CUX2: variants seen among roughly 807,000 people sequenced by gnomAD.
CUX2 encodes homeobox protein cut-like 2.
Under a neutral mutation model 144.8 loss-of-function variants are expected in CUX2, and 40 were observed. The observed-to-expected ratio is 0.28, with a 90% CI of 0.21 to 0.36. CUX2 has a LOEUF of 0.36. Ranked by LOEUF, CUX2 falls within the 10% of genes least tolerant of loss-of-function variation. CUX2 has a pLI of 1.00. For synonymous variants in CUX2, 827 were observed against 875.6 expected (o/e 0.94, Z 0.98); for missense variants, 1,615 against 1,994.0 (o/e 0.81, Z 3.62).
chr12:111,073,710 A>T (rs1433676357), intron 1 of CUX2, among the ~76,000 whole-genome samples: 1 of 152,034 alleles, frequency 6.6e-6, no homozygotes, highest in Non-Finnish European at 1.5e-5. Context: ...CTATAATCCC[A>T]ATGCTTTGGG....
At chr12:111,045,693 C>T (rs920136269) in intron 1 of CUX2, among the ~76,000 whole-genome samples, 1 of 152,190 alleles carries the variant, frequency 6.6e-6, no homozygotes, top group African/African-American at 2.4e-5. Flanking sequence ...GCGCTGGGCT[C>T]GGAGCAGTCA....
At chr12:111,038,129 C>T (rs1869549585) in intron 1 of CUX2, among the ~76,000 whole-genome samples, 1 of 152,138 alleles carries the variant, frequency 6.6e-6, no homozygotes, top group Non-Finnish European at 1.5e-5. Context: ...GAATATTTTC[C>T]CCTGCTCAAA....
chr12:111,316,142 CTT>C (rs201009821), intron 16 of CUX2, among the ~76,000 whole-genome samples: 34 of 132,018 alleles, frequency 2.6e-4, no homozygotes, highest in Admixed American at 3.1e-4. Flanking sequence ...TAAAATTAAG[CTT>C]TTTTTTTTTT....
chr12:111,337,756 C>T (rs1272223125), intron 19 of CUX2, among the ~76,000 whole-genome samples: 2 of 152,178 alleles, frequency 1.3e-5, no homozygotes, highest in African/African-American at 2.4e-5. Context: ...CACTTTTGGG[C>T]CAGGCCCAGT....
At chr12:111,047,821 G>A (rs1469432405) in intron 1 of CUX2, among the ~76,000 whole-genome samples, 1 of 152,236 alleles carries the variant, frequency 6.6e-6, no homozygotes, top group Non-Finnish European at 1.5e-5. Flanking sequence ...AAGAATGGAG[G>A]AAAGAGCGCT....
intron 1 of CUX2, chr12:111,099,326 G>A (rs966229748): frequency 2.9e-6 from 1 of 342,226 alleles, no homozygotes; most frequent in South Asian, 2.3e-5. Flanking sequence ...GGCAAGAGCT[G>A]AGGCTGGAGG....
chr12:111,342,792 C>A (rs2136450210), intron 21 of CUX2, among the ~76,000 whole-genome samples: 1 of 152,012 alleles, frequency 6.6e-6, no homozygotes, highest in Non-Finnish European at 1.5e-5. Flanking sequence ...AACCCCATTT[C>A]TTTGAAACAT....
chr12:111,113,529 G>T (rs535463975), intron 1 of CUX2, among the ~76,000 whole-genome samples: 3 of 151,690 alleles, frequency 2.0e-5, no homozygotes, highest in Non-Finnish European at 4.4e-5. Context: ...GTGATCTTTT[G>T]AATCTAACTT....
Position 111,132,557 on chromosome 12 carries a change from C to CTTTTTTTTTTT in CUX2, c.64-81626_64-81616dup, listed in dbSNP as rs1182564665. 1.5e-4 allele frequency among the ~76,000 whole-genome samples: 15 copies of CTTTTTTTTTTT among 97,158 alleles called. 1 individual carries two copies. The highest frequency in any genetic ancestry group is 6.9e-4 in the African/African-American group (14 of 20,332). 63.7% of individuals were successfully genotyped at this position (97,158 alleles called of 152,430 possible). On this transcript the variant is annotated intron_variant, in intron 1 of 21. Coordinates refer to ENST00000261726, the MANE Select transcript of CUX2 (RefSeq NM_015267.4). ...TTTCTGAATTTTTATGCTCTGTTTC[C>CTTTTTTTTTTT]TTTTTTTTTTTTTTTTTTTTTTTTT...
At chr12:111,248,090 A>G (rs1217758146) in intron 3 of CUX2, among the ~76,000 whole-genome samples, 4 of 152,090 alleles carry the variant, frequency 2.6e-5, no homozygotes, top group African/African-American at 9.7e-5. Context: ...TAGTAGAGAC[A>G]GGGTTTCACC....
chr12:111,111,918 G>A (rs995084149), intron 1 of CUX2, among the ~76,000 whole-genome samples: 3 of 152,114 alleles, frequency 2.0e-5, no homozygotes, highest in Admixed American at 1.3e-4. Context: ...GTTCTCCCAC[G>A]GGGCTTCTCC....
intron 1 of CUX2, among the ~76,000 whole-genome samples, chr12:111,135,361 G>C (rs1875807939): frequency 6.6e-6 from 1 of 152,148 alleles, no homozygotes; most frequent in African/African-American, 2.4e-5. Flanking sequence ...GGCATTCCTA[G>C]CTGAGTGAAC....
In CUX2 at chr12:111,292,876, A is replaced by T. The variant is rs771377188; in HGVS notation, c.437-570A>T. 2.0e-5 allele frequency among the ~76,000 whole-genome samples: 3 copies of T among 152,148 alleles called. No individual in the cohort carries two copies. The East Asian group carries it at 5.8e-4, about 30-fold the overall frequency. ...GTTGGCTCACGCCTGTAATCCCAGC[A>T]CTTTGGGAGGCCAAGGCGGGCAGAT... On this transcript the variant is annotated intron_variant, in intron 5 of 21. Transcript: ENST00000261726.
chr12:111,197,130 C>A (rs972155661), intron 1 of CUX2, among the ~76,000 whole-genome samples: 1 of 152,148 alleles, frequency 6.6e-6, no homozygotes, highest in Non-Finnish European at 1.5e-5. Context: ...AGACCTGGGG[C>A]AACTGACCTA....
At chr12:111,168,893 G>T (rs1010446528) in intron 1 of CUX2, among the ~76,000 whole-genome samples, 1 of 152,116 alleles carries the variant, frequency 6.6e-6, no homozygotes, top group Admixed American at 6.5e-5. Context: ...CAAGATGGCA[G>T]GAACTCTATG....
At chr12:111,222,622 G>A (rs1881914376) in intron 3 of CUX2, among the ~76,000 whole-genome samples, 1 of 152,156 alleles carries the variant, frequency 6.6e-6, no homozygotes, top group Non-Finnish European at 1.5e-5. Context: ...ACACTGACAA[G>A]CTTATGTGAC....
At position 111,246,152 on chromosome 12, in the gene CUX2, C is replaced by A. The variant is rs892719469; in HGVS notation, c.223-17609C>A. ...CTTGACTTCTCTGCGCCTCAGTTTC[C>A]TCATCTGGAAAGTAGAAATGATAAC... On this transcript the variant is annotated intron_variant, in intron 3 of 21. Coordinates refer to ENST00000261726, the MANE Select transcript of CUX2 (RefSeq NM_015267.4). This position sits in a 1 kb window ranked among gnomAD's most constrained non-coding sequence, Gnocchi z 4.0. Among the ~76,000 whole-genome samples, 27 of 152,174 alleles carry A rather than the reference C, an allele frequency of 1.8e-4. No homozygotes were observed. The highest frequency in any genetic ancestry group is 6.5e-4 in the African/African-American group (27 of 41,446).
chr12:111,201,230 C>T (rs1880566600), intron 1 of CUX2, among the ~76,000 whole-genome samples: 1 of 152,156 alleles, frequency 6.6e-6, no homozygotes, highest in African/African-American at 2.4e-5. Flanking sequence ...CCTTCCCCTC[C>T]GCTGGTAGCA....
intron 1 of CUX2, among the ~76,000 whole-genome samples, chr12:111,086,851 G>A (rs11833772): frequency 6.6e-6 from 1 of 152,078 alleles, no homozygotes; most frequent in African/African-American, 2.4e-5. Flanking sequence ...AGGATCACTC[G>A]AGCCTAGGAG....
Sources: gnomAD v4.1 joint callset for allele counts (sites outside exome capture counted in the v4.1 genomes callset) on GRCh38, gnomAD v4.1.1 for gene constraint, Gnocchi (gnomAD v3.1) non-coding constraint, MANE v1.5 for transcripts, NCBI Gene and HGNC (gene_info 2026-07-23, HGNC 2026-07-21) for gene names.